Variants in GRIK4 observed in about 807,000 individuals in gnomAD.
GRIK4 encodes the protein glutamate ionotropic receptor kainate type subunit 4.
A neutral mutation model predicts 104.9 loss-of-function variants in GRIK4; 40 were observed. The observed-to-expected ratio is 0.38, with a 90% CI of 0.30 to 0.50. The LOEUF (loss-of-function observed/expected upper bound fraction) is 0.50. Among genes scored for constraint, GRIK4 ranks in the 20% least tolerant of loss-of-function variants. GRIK4 has a pLI of 0.93. For missense variants in GRIK4, 1,047 were observed against 1,308.1 expected (o/e 0.80, Z 3.08); for synonymous variants, 485 against 524.9 (o/e 0.92, Z 1.04).
At chr11:120,849,589 T>C (rs73003773) in intron 8 of GRIK4, among the ~76,000 whole-genome samples, 10,213 of 152,318 alleles carry the variant, frequency 0.067, 369 homozygotes, top group Middle Eastern at 0.088. Flanking sequence ...CCCAGCACCT[T>C]CTACTCAAGA....
intron 1 of GRIK4, among the ~76,000 whole-genome samples, chr11:120,596,763 C>T (rs567180753): frequency 2.0e-5 from 3 of 151,764 alleles, no homozygotes; most frequent in Admixed American, 6.6e-5. Flanking sequence ...GTCACTTTGT[C>T]GCCCAGGCTG....
Position 120,762,606 on chromosome 11 carries a change from C to T in GRIK4, c.83-40087C>T, listed in dbSNP as rs1264578566. Among the ~76,000 whole-genome samples, 6 of 152,230 alleles carry T rather than the reference C, an allele frequency of 3.9e-5. No individual in the cohort carries two copies. The South Asian group carries it at 6.2e-4, about 16-fold the overall frequency. The stretch of plus-strand genomic sequence containing the variant: ...AAGTAGCTCTTATTATTTTGAGATA[C>T]GTTCCATCAATACCTAGTTTATTGA... On this transcript the variant is annotated intron_variant, in intron 3 of 20. Coordinates refer to ENST00000527524, the MANE Select transcript of GRIK4 (RefSeq NM_014619.5).
chr11:120,760,245 T>A (rs1406578538), intron 3 of GRIK4, among the ~76,000 whole-genome samples: 1 of 151,570 alleles, frequency 6.6e-6, no homozygotes, highest in Non-Finnish European at 1.5e-5. Flanking sequence ...AATGCAATAT[T>A]TGTCTCTCTG....
chr11:120,866,681 T>A (rs1954424668), intron 9 of GRIK4, among the ~76,000 whole-genome samples: 1 of 152,112 alleles, frequency 6.6e-6, no homozygotes, highest in Admixed American at 6.5e-5. Flanking sequence ...CTCAAGGCTG[T>A]CTCAGGGAAC....
chr11:120,545,148 A>G (rs1948073404), intron 1 of GRIK4, among the ~76,000 whole-genome samples: 1 of 152,114 alleles, frequency 6.6e-6, no homozygotes, highest in African/African-American at 2.4e-5. Flanking sequence ...GGCTCTCTGC[A>G]GGGTTCCCAC....
intron 1 of GRIK4, among the ~76,000 whole-genome samples, chr11:120,521,441 T>C (rs1442025142): frequency 6.6e-6 from 1 of 152,008 alleles, no homozygotes; most frequent in Non-Finnish European, 1.5e-5. Flanking sequence ...TTGTGTCCTC[T>C]CCCCCAAAGA....
intron 13 of GRIK4, among the ~76,000 whole-genome samples, chr11:120,931,206 A>C (rs1943474262): frequency 6.6e-6 from 1 of 152,158 alleles, no homozygotes; most frequent in Admixed American, 6.5e-5. Context: ...CAGGCAATGT[A>C]GTCACAGGTC....
At chr11:120,774,350 GGA>G (rs1952000473) in intron 3 of GRIK4, among the ~76,000 whole-genome samples, 1 of 152,148 alleles carries the variant, frequency 6.6e-6, no homozygotes, top group African/African-American at 2.4e-5. Context: ...TTGTGTGTGT[GGA>G]GAGAGAGATT....
chr11:120,655,692 G>T (rs1189156426), intron 2 of GRIK4, among the ~76,000 whole-genome samples: 2 of 152,164 alleles, frequency 1.3e-5, no homozygotes, highest in Non-Finnish European at 2.9e-5. Context: ...GAAAGGTGTG[G>T]TATTTAGGAG....
At chr11:120,593,730 T>C (rs1948765659) in intron 1 of GRIK4, among the ~76,000 whole-genome samples, 1 of 152,212 alleles carries the variant, frequency 6.6e-6, no homozygotes, top group African/African-American at 2.4e-5. Flanking sequence ...ACTTGACTTT[T>C]TCATTTGAAT....
chr11:120,549,489 G>A lies in GRIK4; in HGVS notation c.-159+37602G>A, dbSNP rs1166120870. On this transcript the variant is annotated intron_variant, in intron 1 of 20. Transcript: ENST00000527524. The surrounding 1 kb of genome is among the most constrained non-coding windows in gnomAD (Gnocchi z 4.7). ...AGACACACACACTAACAAACAAGGA[G>A]TGAGCCCTTCACGGGGGGCTGCAGT... Among the ~76,000 whole-genome samples, 1 of 152,242 alleles carries A rather than the reference G, an allele frequency of 6.6e-6. No individual in the cohort carries two copies. Among genetic ancestry groups the A allele is most frequent in the Non-Finnish European group, 1.5e-5 (1 of 68,044 alleles).
intron 3 of GRIK4, among the ~76,000 whole-genome samples, chr11:120,672,533 A>G (rs1300000115): frequency 6.6e-6 from 1 of 152,154 alleles, no homozygotes; most frequent in Admixed American, 6.5e-5. Context: ...CAGTATGGCC[A>G]TTTTCACGGT....
At chr11:120,904,045 T>G (rs532918837) in intron 12 of GRIK4, among the ~76,000 whole-genome samples, 187 of 152,308 alleles carry the variant, frequency 1.2e-3, no homozygotes, top group African/African-American at 4.3e-3. Context: ...GTGATTGCCC[T>G]TCATTTCCCC....
At chr11:120,717,828 G>A (rs1012720684) in intron 3 of GRIK4, among the ~76,000 whole-genome samples, 1 of 152,128 alleles carries the variant, frequency 6.6e-6, no homozygotes, top group Non-Finnish European at 1.5e-5. Flanking sequence ...GCAGGAATGT[G>A]CTCTCCCTGG....
chr11:120,912,744 G>A (rs952401297), intron 13 of GRIK4, among the ~76,000 whole-genome samples: 2 of 152,204 alleles, frequency 1.3e-5, no homozygotes, highest in Non-Finnish European at 1.5e-5. Flanking sequence ...AAGTCAAGAT[G>A]AAATCGCTTA....
chr11:120,512,894 G>GC (rs1178509123), intron 1 of GRIK4, among the ~76,000 whole-genome samples: 1 of 152,156 alleles, frequency 6.6e-6, no homozygotes, highest in East Asian at 1.9e-4. Context: ...AGGGGGCTGG[G>GC]CCCCGGGCGC....
At chr11:120,623,868 C>T (rs891689658) in intron 1 of GRIK4, among the ~76,000 whole-genome samples, 4 of 152,112 alleles carry the variant, frequency 2.6e-5, no homozygotes, top group Admixed American at 6.5e-5. Flanking sequence ...CATCCAGGGG[C>T]CCTCAGAGCT....
intron 3 of GRIK4, among the ~76,000 whole-genome samples, chr11:120,711,558 C>T (rs1019795992): frequency 1.3e-5 from 2 of 152,154 alleles, no homozygotes; most frequent in African/African-American, 4.8e-5. Flanking sequence ...CAGGCTCTTT[C>T]AGAATCTAAG....
intron 1 of GRIK4, among the ~76,000 whole-genome samples, chr11:120,619,019 G>A (rs1175478178): frequency 6.6e-6 from 1 of 152,196 alleles, no homozygotes; most frequent in Non-Finnish European, 1.5e-5. Flanking sequence ...AGATCCACCA[G>A]CAGCTTGTAT....
Sources: gnomAD v4.1 joint callset for allele counts (sites outside exome capture counted in the v4.1 genomes callset) on GRCh38, gnomAD v4.1.1 for gene constraint, Gnocchi (gnomAD v3.1) non-coding constraint, MANE v1.5 for transcripts, NCBI Gene and HGNC (gene_info 2026-07-23, HGNC 2026-07-21) for gene names.